The following ST6GALNAC3 variants were observed in gnomAD, a reference collection of about 807,000 sequenced individuals.
The protein encoded by ST6GALNAC3 is alpha-N-acetylgalactosaminide alpha-2,6-sialyltransferase 3.
ST6GALNAC3 carries 25 observed loss-of-function variants against 32.7 expected under a neutral mutation model. The observed-to-expected ratio is 0.76, with a 90% CI of 0.56 to 1.07. The LOEUF (loss-of-function observed/expected upper bound fraction) is 1.07. Ranked by LOEUF, ST6GALNAC3 falls within the 50% of genes least tolerant of loss-of-function variation. ST6GALNAC3 has a pLI of 0.00. For missense variants in ST6GALNAC3, 355 were observed against 382.4 expected (o/e 0.93, Z 0.60); for synonymous variants, 129 against 133.1 (o/e 0.97, Z 0.21).
chr1:76,440,308 G>T (rs1202983771), intron 3 of ST6GALNAC3, among the ~76,000 whole-genome samples: 1 of 152,218 alleles, frequency 6.6e-6, no homozygotes, highest in Non-Finnish European at 1.5e-5. Context: ...TCAAGAATTT[G>T]TGACCCTAAT....
chr1:76,342,916 G>T (rs1035924211), intron 2 of ST6GALNAC3, among the ~76,000 whole-genome samples: 14 of 150,246 alleles, frequency 9.3e-5, no homozygotes. Context: ...TTTTTAATGG[G>T]GTTATTTGTG....
At chr1:76,308,785 T>C (rs1661223175) in intron 1 of ST6GALNAC3, among the ~76,000 whole-genome samples, 1 of 152,208 alleles carries the variant, frequency 6.6e-6, no homozygotes, top group Non-Finnish European at 1.5e-5. Context: ...ATTTTAGAAT[T>C]GCAAAACATT....
At chr1:76,445,456 G>C (rs1337218269) in intron 3 of ST6GALNAC3, among the ~76,000 whole-genome samples, 1 of 152,178 alleles carries the variant, frequency 6.6e-6, no homozygotes, top group Admixed American at 6.5e-5. Flanking sequence ...AATACATCAT[G>C]TTAAAACTAT....
At chr1:76,422,741 C>G (rs1655108800) in intron 3 of ST6GALNAC3, among the ~76,000 whole-genome samples, 1 of 152,144 alleles carries the variant, frequency 6.6e-6, no homozygotes, top group Middle Eastern at 3.4e-3. Context: ...ATAAAGAATT[C>G]TAAGATATCA....
chr1:76,433,295 T>G (rs1655903461), intron 3 of ST6GALNAC3, among the ~76,000 whole-genome samples: 1 of 152,206 alleles, frequency 6.6e-6, no homozygotes, highest in African/African-American at 2.4e-5. Context: ...GGTTGATTTT[T>G]TTTAACCTTA....
chr1:76,507,578 G>A (rs186408456), intron 3 of ST6GALNAC3, among the ~76,000 whole-genome samples: 177 of 152,242 alleles, frequency 1.2e-3, no homozygotes, highest in Non-Finnish European at 1.9e-3. Context: ...TTCAAGGTTC[G>A]TCTGTATTGT....
At chr1:76,289,674 G>A (rs545986952) in intron 1 of ST6GALNAC3, among the ~76,000 whole-genome samples, 1 of 152,348 alleles carries the variant, frequency 6.6e-6, no homozygotes, top group South Asian at 2.1e-4. Flanking sequence ...ACCTGATGAA[G>A]CATTGATAGA....
intron 1 of ST6GALNAC3, among the ~76,000 whole-genome samples, chr1:76,115,082 C>T (rs1355432566): frequency 6.6e-6 from 1 of 152,130 alleles, no homozygotes; most frequent in Non-Finnish European, 1.5e-5. Flanking sequence ...ACTTAAAATA[C>T]TGGCATGGTG....
chr1:76,412,876 C>G (rs1654359602), intron 3 of ST6GALNAC3: 1 of 225,826 alleles, frequency 4.4e-6, no homozygotes, highest in East Asian at 1.4e-4. Context: ...TGTGTAGCTT[C>G]TTGCATGCAA....
intron 3 of ST6GALNAC3, among the ~76,000 whole-genome samples, chr1:76,606,644 G>A (rs1287393605): frequency 2.0e-5 from 3 of 151,576 alleles, no homozygotes; most frequent in Admixed American, 1.3e-4. Flanking sequence ...TGGGTTAGTA[G>A]GTATAGTAAA....
At chr1:76,635,269 G>A (rs1649476614), downstream of ST6GALNAC3, among the ~76,000 whole-genome samples, 1 of 151,870 alleles carries the variant, frequency 6.6e-6, no homozygotes, top group South Asian at 2.1e-4. Context: ...GTCAAATTTG[G>A]ATAATTTTTC....
At position 76,547,922 on chromosome 1, in the gene ST6GALNAC3, T is replaced by C. The variant is rs970695467; in HGVS notation, c.624-79530T>C. Among the ~76,000 whole-genome samples, 3 of 152,110 alleles carry C rather than the reference T, an allele frequency of 2.0e-5. No individual in the cohort carries two copies. In the South Asian group the frequency reaches 6.2e-4, roughly 32 times the overall value. ...AAGTAGATAAGTTAGAGGTAATTTC[T>C]TGTTTTATAGAAGGAGTCTCTATAA... is the stretch of plus-strand genomic sequence containing the variant. On this transcript the variant is annotated intron_variant, in intron 3 of 4. Coordinates refer to ENST00000328299, the MANE Select transcript of ST6GALNAC3 (RefSeq NM_152996.4).
intron 1 of ST6GALNAC3, among the ~76,000 whole-genome samples, chr1:76,121,507 G>A (rs1439687112): frequency 1.3e-5 from 2 of 152,132 alleles, no homozygotes; most frequent in Non-Finnish European, 2.9e-5. Flanking sequence ...ATGAGATCAG[G>A]AGATCAAGAC....
intron 1 of ST6GALNAC3, among the ~76,000 whole-genome samples, chr1:76,163,891 G>C (rs149862615): frequency 1.0e-3 from 154 of 152,264 alleles, no homozygotes; most frequent in African/African-American, 3.7e-3. Context: ...GTTAAAAACT[G>C]TTACGGCCGA....
Position 76,601,654 on chromosome 1 carries a change from G to A in ST6GALNAC3, c.624-25798G>A, listed in dbSNP as rs376724596. On this transcript the variant is annotated intron_variant, in intron 3 of 4. Transcript: ENST00000328299. Reference sequence around the variant, plus strand: ...CCTAATGAGGTAGGGATAATAATTCGCATTTACAAGGAGTAAACAACCAGT... The same window carrying A: ...CCTAATGAGGTAGGGATAATAATTCACATTTACAAGGAGTAAACAACCAGT... 9.9e-5 allele frequency among the ~76,000 whole-genome samples: 15 copies of A among 152,272 alleles called. 1 individual carries two copies. The East Asian group carries it at 1.3e-3, about 14-fold the overall frequency.
intron 1 of ST6GALNAC3, among the ~76,000 whole-genome samples, chr1:76,183,115 A>G (rs992624773): frequency 6.6e-6 from 1 of 152,154 alleles, no homozygotes; most frequent in African/African-American, 2.4e-5. Context: ...AGGAATGACA[A>G]TGAAGTAGTA....
At chr1:76,235,691 T>A (rs936145019) in intron 1 of ST6GALNAC3, among the ~76,000 whole-genome samples, 8 of 150,062 alleles carry the variant, frequency 5.3e-5, no homozygotes, top group African/African-American at 2.0e-4. Context: ...TTACTAGGGC[T>A]ATGGTAACAA....
At chr1:76,204,644 G>A (rs923844984) in intron 1 of ST6GALNAC3, among the ~76,000 whole-genome samples, 4 of 152,296 alleles carry the variant, frequency 2.6e-5, no homozygotes, top group East Asian at 1.9e-4. Context: ...ATTGCACGAC[G>A]TGTATCTTCT....
intron 1 of ST6GALNAC3, among the ~76,000 whole-genome samples, chr1:76,256,732 C>CTT (rs398053129): frequency 2.1e-5 from 3 of 143,294 alleles, no homozygotes; most frequent in African/African-American, 5.1e-5. Flanking sequence ...CATAAAATGA[C>CTT]TTTTTTTTTT....
Sources: allele counts gnomAD v4.1 joint callset (sites outside exome capture counted in the v4.1 genomes callset), GRCh38; gene constraint gnomAD v4.1.1; transcripts MANE v1.5; gene names NCBI Gene and HGNC (gene_info 2026-07-23, HGNC 2026-07-21).